The following PDE3B variants were observed in gnomAD, a reference collection of about 807,000 sequenced individuals.
The protein encoded by PDE3B is phosphodiesterase 3B.
In PDE3B, 66 loss-of-function variants were observed where a neutral mutation model predicts 116.8. The ratio of observed to expected loss-of-function variants is 0.56; its 90% confidence interval spans 0.46 to 0.69. PDE3B has a LOEUF of 0.69. PDE3B is among the 30% of genes least tolerant of loss of function. PDE3B has a pLI of 0.00. For missense variants in PDE3B, 1,384 were observed against 1,368.1 expected (o/e 1.01, Z -0.18); for synonymous variants, 595 against 533.6 (o/e 1.12, Z -1.59).
At chr11:14,843,494 G>A (rs1847518685) in intron 11 of PDE3B, among the ~76,000 whole-genome samples, 1 of 151,944 alleles carries the variant, frequency 6.6e-6, no homozygotes, top group African/African-American at 2.4e-5. Context: ...CATATATCCT[G>A]GCCATTGTAT....
At chr11:14,874,807 A>G (rs1349918364), downstream of PDE3B, among the ~76,000 whole-genome samples, 7 of 152,190 alleles carry the variant, frequency 4.6e-5, no homozygotes, top group East Asian at 1.9e-4. Flanking sequence ...GTATTGTCAC[A>G]TTTATGCCAC....
intron 1 of PDE3B, among the ~76,000 whole-genome samples, chr11:14,757,100 G>A (rs1342158811): frequency 1.3e-5 from 2 of 151,856 alleles, no homozygotes; most frequent in Non-Finnish European, 2.9e-5. Flanking sequence ...ATGATTTCCA[G>A]TATCATCCAT....
In PDE3B at chr11:14,715,240, C is replaced by A. The variant is rs185163592; in HGVS notation, c.979-56697C>A. Among the ~76,000 whole-genome samples, 390 of 152,194 alleles carry A rather than the reference C, an allele frequency of 2.6e-3. 1 individual carries two copies. Among genetic ancestry groups the A allele is most frequent in the African/African-American group, 8.2e-3 (339 of 41,540 alleles). On this transcript the variant is annotated intron_variant, in intron 1 of 15. Coordinates refer to ENST00000282096, the MANE Select transcript of PDE3B (RefSeq NM_000922.4). Reference sequence around the variant, plus strand: ...TTGGCTTAGGATTGACTTGGCGATGCGGGCTCCTTTTTGGTTCCATATGAA... The same window carrying A: ...TTGGCTTAGGATTGACTTGGCGATGAGGGCTCCTTTTTGGTTCCATATGAA...
intron 1 of PDE3B, among the ~76,000 whole-genome samples, chr11:14,665,492 A>G (rs556962876): frequency 2.0e-5 from 3 of 152,356 alleles, no homozygotes; most frequent in South Asian, 2.1e-4. Context: ...CTGTTTGCAG[A>G]TGACATGATT....
At chr11:14,850,426 C>T (rs951169928) in intron 12 of PDE3B, among the ~76,000 whole-genome samples, 3 of 151,818 alleles carry the variant, frequency 2.0e-5, no homozygotes, top group African/African-American at 7.3e-5. Flanking sequence ...CAGCATGGCA[C>T]ATGTATACAT....
chr11:14,685,637 G>A (rs900681158), intron 1 of PDE3B, among the ~76,000 whole-genome samples: 2 of 151,592 alleles, frequency 1.3e-5, no homozygotes, highest in Non-Finnish European at 2.9e-5. Context: ...TGTATTTTTA[G>A]TAGAGACAGG....
chr11:14,704,696 C>A (rs7942142), intron 1 of PDE3B, among the ~76,000 whole-genome samples: 2 of 151,376 alleles, frequency 1.3e-5, no homozygotes, highest in Non-Finnish European at 3.0e-5. Flanking sequence ...CTGTATAATA[C>A]GTATGTAATA....
chr11:14,816,334 TGTAA>T (rs1189427855), intron 5 of PDE3B, among the ~76,000 whole-genome samples: 1 of 152,274 alleles, frequency 6.6e-6, no homozygotes, highest in Non-Finnish European at 1.5e-5. Context: ...CGCACACATC[TGTAA>T]GTGTTTACCA....
At chr11:14,723,894 A>G (rs1856201095) in intron 1 of PDE3B, among the ~76,000 whole-genome samples, 1 of 152,244 alleles carries the variant, frequency 6.6e-6, no homozygotes, top group Admixed American at 6.5e-5. Flanking sequence ...ATTAGGCTGG[A>G]AAGATATGCA....
At chr11:14,852,135 C>T (rs1291446545) in intron 12 of PDE3B, among the ~76,000 whole-genome samples, 1 of 152,188 alleles carries the variant, frequency 6.6e-6, no homozygotes, top group Non-Finnish European at 1.5e-5. Flanking sequence ...TGGCCCACTG[C>T]AACCTCCATC....
chr11:14,818,222 A>C lies in PDE3B; in HGVS notation c.1562A>C (p.His521Pro), dbSNP rs759233964. Residue 521 changes from histidine to proline, a missense_variant, in exon 6 of 16, where the codon CAT (histidine) becomes CCT (proline). Transcript: ENST00000282096. ...SSLSPVNSSNHGPVSTGSLTN... is the reference protein window; with the variant it reads ...SSLSPVNSSNPGPVSTGSLTN... The stretch of plus-strand genomic sequence containing the variant: ...CTGAGTCCTGTGAATTCTTCCAACC[A>C]TGGACCAGTGTCTACTGGCTCTCTA... 2.5e-6 allele frequency: 4 copies of C among 1,613,480 alleles called. No individual in the cohort carries two copies. The highest frequency in any genetic ancestry group is 3.4e-6 in the Non-Finnish European group (4 of 1,179,630).
At chr11:14,690,180 GA>G (rs1855004576) in intron 1 of PDE3B, among the ~76,000 whole-genome samples, 1 of 152,174 alleles carries the variant, frequency 6.6e-6, no homozygotes, top group African/African-American at 2.4e-5. Context: ...GGTAGGATAA[GA>G]GAAACAAAAT....
the PDE3B span, chr11:14,891,097 G>A: frequency 2.0e-6 from 2 of 985,318 alleles, no homozygotes; most frequent in African/African-American, 1.7e-5. Flanking sequence ...AAACAGGTGA[G>A]CTCTGTCCCA....
chr11:14,772,186 A>G (rs1167630035), intron 2 of PDE3B, 199 bp downstream of exon 2: 2 of 292,906 alleles, frequency 6.8e-6, no homozygotes, highest in Non-Finnish European at 1.3e-5. Context: ...TTATAAGGGA[A>G]AAAGAAAATG....
intron 10 of PDE3B, 76 bp downstream of exon 10, chr11:14,832,909 A>T: frequency 1.5e-6 from 1 of 681,596 alleles, no homozygotes; most frequent in African/African-American, 1.9e-5. Context: ...TTCTCTTCAG[A>T]TGGTCCCTTA....
rs1274374110 is a variant in PDE3B, at chr11:14,748,561, C to G, written c.979-23376C>G. On this transcript the variant is annotated intron_variant, in intron 1 of 15. Transcript: ENST00000282096. The stretch of plus-strand genomic sequence containing the variant: ...AACATAGACATGAGCTAAAGAGACC[C>G]TAATTATATTTTTACACAAACCTTA... Among the ~76,000 whole-genome samples the G allele has an allele frequency of 2.6e-5, 4 of 152,038 alleles. No homozygotes were observed. In the South Asian group the frequency reaches 6.2e-4, roughly 24 times the overall value.
intron 12 of PDE3B, among the ~76,000 whole-genome samples, chr11:14,854,406 C>G (rs1188560861): frequency 6.6e-6 from 1 of 152,158 alleles, no homozygotes; most frequent in South Asian, 2.1e-4. Flanking sequence ...GCAAAACTTG[C>G]TAGGTAACAA....
chr11:14,710,936 T>C (rs1855683036), intron 1 of PDE3B, among the ~76,000 whole-genome samples: 1 of 152,204 alleles, frequency 6.6e-6, no homozygotes, highest in Non-Finnish European at 1.5e-5. Flanking sequence ...CTTTTCTTGC[T>C]CAAAGAACTG....
intron 12 of PDE3B, among the ~76,000 whole-genome samples, chr11:14,851,796 T>C (rs1401147263): frequency 6.6e-6 from 1 of 152,172 alleles, no homozygotes; most frequent in Non-Finnish European, 1.5e-5. Flanking sequence ...TGGTGAATCA[T>C]AGACCTGAGG....
Sources: gnomAD v4.1 joint callset for allele counts (sites outside exome capture counted in the v4.1 genomes callset) on GRCh38, gnomAD v4.1.1 for gene constraint, MANE v1.5 for transcripts, NCBI Gene and HGNC (gene_info 2026-07-23, HGNC 2026-07-21) for gene names.